The following TANC1 variants were observed in gnomAD, a reference collection of about 807,000 sequenced individuals.
TANC1 encodes the protein protein TANC1.
In TANC1, 77 loss-of-function variants were observed where a neutral mutation model predicts 149.7. That is an observed-to-expected ratio of 0.51 (90% CI 0.43 to 0.62). The LOEUF is 0.62. TANC1 is among the 20% of genes least tolerant of loss of function. The pLI is 0.00. For missense variants in TANC1, 1,985 were observed against 2,321.8 expected (o/e 0.85, Z 2.98); for synonymous variants, 854 against 925.0 (o/e 0.92, Z 1.39).
intron 17 of TANC1, among the ~76,000 whole-genome samples, chr2:159,195,459 C>T (rs943686840): frequency 2.6e-5 from 4 of 152,128 alleles, no homozygotes; most frequent in African/African-American, 2.4e-5. Context: ...AGAATGATAT[C>T]GAGCTCACAG....
At chr2:158,973,769 G>T (rs1430814084) in intron 1 of TANC1, among the ~76,000 whole-genome samples, 1 of 152,162 alleles carries the variant, frequency 6.6e-6, no homozygotes, top group Non-Finnish European at 1.5e-5. Flanking sequence ...ACATACCAAA[G>T]GATATGAAGA....
chr2:159,097,656 G>A lies in TANC1; in HGVS notation c.81G>A (p.Glu27=), dbSNP rs905631679. The change falls in exon 4 of 27, where the codon GAG becomes GAA. Residue 27 remains glutamate, a synonymous_variant. Transcript: ENST00000263635. ...KKEAGSDFGP[E]TSPVLHLDHS... ...CTCTAGGAAGTGACTTTGGTCCAGA[G>A]ACTTCTCCAGTCCTGCACCTTGACC... 1 of 1,613,964 alleles carries A rather than the reference G, an allele frequency of 6.2e-7. No individual in the cohort carries two copies. The highest frequency in any genetic ancestry group is 8.5e-7 in the Non-Finnish European group (1 of 1,179,894).
At chr2:159,211,899 G>A (rs2059007950) in intron 19 of TANC1, among the ~76,000 whole-genome samples, 2 of 152,206 alleles carry the variant, frequency 1.3e-5, no homozygotes, top group Admixed American at 1.3e-4. Flanking sequence ...TACATAGCAA[G>A]GGTTGTGAAG....
At chr2:159,188,847 C>T (rs1325989594) in intron 16 of TANC1, among the ~76,000 whole-genome samples, 1 of 152,232 alleles carries the variant, frequency 6.6e-6, no homozygotes, top group Non-Finnish European at 1.5e-5. Context: ...GATACCACCA[C>T]TTCTGAGTGT....
intron 2 of TANC1, among the ~76,000 whole-genome samples, chr2:159,035,969 G>T (rs1362915286): frequency 6.6e-6 from 1 of 152,202 alleles, no homozygotes; most frequent in Non-Finnish European, 1.5e-5. Flanking sequence ...CGGACAGAGG[G>T]TCTGAGAGCG....
chr2:159,101,450 C>T (rs1036002581), intron 4 of TANC1, among the ~76,000 whole-genome samples: 2 of 151,960 alleles, frequency 1.3e-5, no homozygotes, highest in Non-Finnish European at 2.9e-5. Flanking sequence ...GATTGAGTTT[C>T]TTACTTTCCA....
At chr2:158,999,691 G>C (rs2036454144) in intron 1 of TANC1, among the ~76,000 whole-genome samples, 1 of 152,224 alleles carries the variant, frequency 6.6e-6, no homozygotes, top group Non-Finnish European at 1.5e-5. Flanking sequence ...TCACAGTCTA[G>C]ATCGAGGGAG....
intron 2 of TANC1, among the ~76,000 whole-genome samples, chr2:159,063,848 G>A (rs543796078): frequency 6.6e-6 from 1 of 152,124 alleles, no homozygotes; most frequent in Non-Finnish European, 1.5e-5. Flanking sequence ...CCCGTGTGAT[G>A]CCTATTCTGA....
intron 11 of TANC1, 102 bp downstream of exon 11, chr2:159,172,374 C>G: frequency 1.9e-6 from 2 of 1,041,690 alleles, no homozygotes; most frequent in South Asian, 3.2e-5. Context: ...GAGACAACTG[C>G]TTAATGATAA....
rs755867121 is a variant in TANC1 at position 159,149,241 on chromosome 2, A to G, written c.464A>G (p.His155Arg). ...LLGEGIPSAT[H>R]ITIEDKNETM... Reference sequence around the variant, plus strand: ...GGAGAAGGGATCCCAAGTGCCACACACATAACCATTGAAGACAAAAATGAA... The same window carrying G: ...GGAGAAGGGATCCCAAGTGCCACACGCATAACCATTGAAGACAAAAATGAA... Residue 155 changes from histidine to arginine, a missense_variant, in exon 6 of 27, where the codon CAC becomes CGC. His to Arg is a conservative substitution (Grantham distance 29). Coordinates refer to ENST00000263635, the MANE Select transcript of TANC1 (RefSeq NM_033394.3). 2.5e-6 allele frequency: 4 copies of G among 1,614,122 alleles called. No homozygotes were observed. Among genetic ancestry groups the G allele is most frequent in the East Asian group, 4.5e-5 (2 of 44,902 alleles).
chr2:159,066,855 C>A (rs2042712994), intron 3 of TANC1, among the ~76,000 whole-genome samples: 1 of 152,164 alleles, frequency 6.6e-6, no homozygotes, highest in Non-Finnish European at 1.5e-5. Flanking sequence ...TTGTGCTAAC[C>A]TATTCTAGGA....
chr2:159,108,673 G>A (rs1364548329), intron 4 of TANC1, among the ~76,000 whole-genome samples: 1 of 152,224 alleles, frequency 6.6e-6, no homozygotes, highest in Non-Finnish European at 1.5e-5. Context: ...CAGGTTTGCT[G>A]TGACAGGACT....
chr2:159,010,441 A>C (rs772746102), intron 2 of TANC1, among the ~76,000 whole-genome samples: 1 of 152,302 alleles, frequency 6.6e-6, no homozygotes, highest in Non-Finnish European at 1.5e-5. Context: ...GAATCAGGGA[A>C]AAGTTGTGCT....
intron 3 of TANC1, among the ~76,000 whole-genome samples, chr2:159,077,329 T>C (rs549812949): frequency 6.6e-6 from 1 of 152,338 alleles, no homozygotes; most frequent in African/African-American, 2.4e-5. Flanking sequence ...TCACTTGTTT[T>C]TGTAAAGCCA....
At chr2:159,034,175 A>C (rs2149491413) in intron 2 of TANC1, among the ~76,000 whole-genome samples, 1 of 152,318 alleles carries the variant, frequency 6.6e-6, no homozygotes, top group South Asian at 2.1e-4. Flanking sequence ...GATGCCATGC[A>C]GGGCTCACTT....
At chr2:159,033,641 G>A (rs2039956426) in intron 2 of TANC1, among the ~76,000 whole-genome samples, 1 of 152,196 alleles carries the variant, frequency 6.6e-6, no homozygotes, top group Admixed American at 6.5e-5. Flanking sequence ...CTCTATTACA[G>A]AAGAGCAGGT....
At position 159,086,667 on chromosome 2, in the gene TANC1, A is replaced by G. The variant is rs150244210; in HGVS notation, c.62-10970A>G. Among the ~76,000 whole-genome samples, 1,368 of 152,298 alleles carry G rather than the reference A, an allele frequency of 9.0e-3. 14 individuals are homozygous for G. The highest frequency in any genetic ancestry group is 9.5e-3 in the Non-Finnish European group (649 of 68,032). On this transcript the variant is annotated intron_variant, in intron 3 of 26. Coordinates refer to ENST00000263635, the MANE Select transcript of TANC1 (RefSeq NM_033394.3). ...GAGTTTCAAATAAATGTTCACTGGA[A>G]AATAAAGTATATTTTATTTTATAAA...
intron 4 of TANC1, among the ~76,000 whole-genome samples, chr2:159,130,153 T>G (rs62171090): frequency 0.035 from 5,391 of 152,278 alleles, 106 homozygotes; most frequent in Non-Finnish European, 0.046. Flanking sequence ...TTGTTGTTGT[T>G]TATTTCATGT....
rs118037949 is a variant in TANC1, at chr2:159,158,377, T to C, written c.683-4906T>C. On this transcript the variant is annotated intron_variant, in intron 7 of 26. Transcript: ENST00000263635. ...CCTGTCTCGAAACAAAAAAAAACCA[T>C]GTAGAGCCCCATTCTAGGATAGAGT... Among the ~76,000 whole-genome samples, 35 of 151,942 alleles carry C rather than the reference T, an allele frequency of 2.3e-4. 1 individual carries two copies. The East Asian group carries it at 6.0e-3, about 26-fold the overall frequency.
Sources: allele counts gnomAD v4.1 joint callset (sites outside exome capture counted in the v4.1 genomes callset), GRCh38; gene constraint gnomAD v4.1.1; transcripts MANE v1.5; gene names NCBI Gene and HGNC (gene_info 2026-07-23, HGNC 2026-07-21).